The following DGKD variants were observed in gnomAD, a reference collection of about 807,000 sequenced individuals.
DGKD encodes DAG kinase delta.
In DGKD, 68 loss-of-function variants were observed where a neutral mutation model predicts 154.4. The observed-to-expected ratio is 0.44, with a 90% confidence interval of 0.36 to 0.54. The LOEUF (loss-of-function observed/expected upper bound fraction) is 0.54, where lower values mean the gene tolerates loss of function less well. Among genes scored for constraint, DGKD ranks in the 20% least tolerant of loss-of-function variants. The pLI, the probability that DGKD is intolerant of heterozygous loss-of-function variation, is 0.00. For synonymous variants in DGKD, 693 were observed against 638.0 expected (o/e 1.09, Z -1.30); for missense variants, 1,343 against 1,593.6 (o/e 0.84, Z 2.68).
rs1313442045 is a variant in DGKD at position 233,441,857 on chromosome 2, CA to C, written c.1086-29del. On this transcript the variant is annotated intron_variant, in intron 9 of 29. Transcript: ENST00000264057. This position sits in a 1 kb window ranked among gnomAD's most constrained non-coding sequence, Gnocchi z 5.6. ...GTCATTTGTCCTGTGGAATGGATGTCATTTCACGGCCTTTCTCTTTTCTCTG... is the reference window on the plus strand; with the variant it reads ...GTCATTTGTCCTGTGGAATGGATGTCTTTCACGGCCTTTCTCTTTTCTCTG... 1 of 1,596,646 alleles carries C rather than the reference CA, an allele frequency of 6.3e-7. No homozygotes were observed. The highest frequency in any genetic ancestry group is 1.1e-5 in the South Asian group (1 of 89,384).
chr2:233,432,100 A>G (rs993371242), intron 3 of DGKD, among the ~76,000 whole-genome samples: 7 of 152,370 alleles, frequency 4.6e-5, no homozygotes, highest in African/African-American at 1.7e-4. Context: ...GGGAGAAAAT[A>G]TTTGCAAACT....
chr2:233,395,294 C>T (rs1703932550), intron 3 of DGKD, among the ~76,000 whole-genome samples: 1 of 152,176 alleles, frequency 6.6e-6, no homozygotes. Context: ...CTTCAGCCTT[C>T]TGGGTAGCTG....
At position 233,374,871 on chromosome 2, in the gene DGKD, G is replaced by A. The variant is rs56031111; in HGVS notation, c.157-13386G>A. Among the ~76,000 whole-genome samples, 479 of 152,136 alleles carry A rather than the reference G, an allele frequency of 3.1e-3. 3 individuals carry two copies. Among genetic ancestry groups the A allele is most frequent in the African/African-American group, 0.01 (427 of 41,490 alleles). Reference sequence around the variant, plus strand: ...GCAGAGGGATACTTTACTATGCTATGTTGCCCAGGCTGGTCTTGAATTCCT... The same window carrying A: ...GCAGAGGGATACTTTACTATGCTATATTGCCCAGGCTGGTCTTGAATTCCT... On this transcript the variant is annotated intron_variant, in intron 1 of 29. Transcript: ENST00000264057.
At chr2:233,462,226 C>G in intron 24 of DGKD, 122 bp from the exon 25 acceptor site, 1 of 721,072 alleles carries the variant, frequency 1.4e-6, no homozygotes, top group Non-Finnish European at 2.3e-6. Flanking sequence ...CCCTGTCGTC[C>G]TGCTGGGCCT....
chr2:233,432,568 A>G (rs935102505), intron 3 of DGKD, among the ~76,000 whole-genome samples: 3 of 152,236 alleles, frequency 2.0e-5, no homozygotes, highest in Non-Finnish European at 4.4e-5. Context: ...CTGAGGCAGG[A>G]GAATGGCATG....
chr2:233,463,264 T>A (rs568621587), intron 26 of DGKD, among the ~76,000 whole-genome samples: 1 of 151,978 alleles, frequency 6.6e-6, no homozygotes, highest in Admixed American at 6.5e-5. Context: ...GCCACTCACC[T>A]CCTCACTGCA....
intron 3 of DGKD, among the ~76,000 whole-genome samples, chr2:233,421,971 T>G (rs896440992): frequency 6.6e-6 from 1 of 151,866 alleles, no homozygotes. Context: ...GAGCAGTTTC[T>G]GACTTGGGAG....
rs1432073083 is a variant in DGKD, at chr2:233,441,194, G to A, written c.1086-693G>A. 1.3e-5 allele frequency among the ~76,000 whole-genome samples: 2 copies of A among 152,194 alleles called. No homozygotes were observed. Among genetic ancestry groups the A allele is most frequent in the Non-Finnish European group, 2.9e-5 (2 of 68,028 alleles). On this transcript the variant is annotated intron_variant, in intron 9 of 29. Coordinates refer to ENST00000264057, the MANE Select transcript of DGKD (RefSeq NM_152879.3). This position sits in a 1 kb window ranked among gnomAD's most constrained non-coding sequence, Gnocchi z 5.6. ...CAGAAGCGGCACTGGTCTCCTGAGT[G>A]GGGACGCTGCTGGGCAGGGGCAGGG... is the stretch of plus-strand genomic sequence containing the variant.
chr2:233,395,551 G>A (rs889439333), intron 3 of DGKD, among the ~76,000 whole-genome samples: 3 of 151,514 alleles, frequency 2.0e-5, no homozygotes, highest in Non-Finnish European at 4.4e-5. Context: ...ATAGTTCACA[G>A]ATTTTCTTTT....
rs146345591 is a variant in DGKD at position 233,464,043 on chromosome 2, G to C, written c.3187-121G>C. 64 of 1,390,618 alleles carry C rather than the reference G, an allele frequency of 4.6e-5. No individual in the cohort carries two copies. In the African/African-American group the frequency reaches 8.3e-4, roughly 18 times the overall value. The allele number at this position is 1,390,618 out of a possible 1,614,324, so 86.1% of individuals were successfully genotyped here. ...CTGGTGCTCTGGGACTTCGTTTCTG[G>C]AAAGTGAGCTCCCTGATCAGAGCAG... On this transcript the variant is annotated intron_variant, in intron 26 of 29. Transcript: ENST00000264057.
In DGKD at chr2:233,449,403, C is replaced by T; in HGVS notation, c.1888+27C>T. Reference sequence around the variant, plus strand: ...TAACTGGCCTTGTGATGAGGAGGGGCTTTCCTCAGGCCAGCACTGGGCATG... The same window carrying T: ...TAACTGGCCTTGTGATGAGGAGGGGTTTTCCTCAGGCCAGCACTGGGCATG... On this transcript the variant is annotated intron_variant, in intron 15 of 29. Transcript: ENST00000264057. This position sits in a 1 kb window ranked among gnomAD's most constrained non-coding sequence, Gnocchi z 5.3. 6.3e-7 allele frequency: 1 copy of T among 1,577,018 alleles called. No individual in the cohort carries two copies. The highest frequency in any genetic ancestry group is 8.7e-7 in the Non-Finnish European group (1 of 1,154,488).
rs2063749180 is a variant in DGKD at position 233,463,981 on chromosome 2, C to T, written c.3187-183C>T. 9.6e-6 allele frequency: 7 copies of T among 726,872 alleles called. No homozygotes were observed. In the East Asian group the frequency reaches 1.9e-4, roughly 20 times the overall value. The allele number at this position is 726,872 out of a possible 1,614,324, so 45.0% of individuals were successfully genotyped here. Reference sequence around the variant, plus strand: ...GGACAGTTTTATTCTCTCACCAGCACTACTTAGAAAGTGAGGTTCTGGGTT... The same window carrying T: ...GGACAGTTTTATTCTCTCACCAGCATTACTTAGAAAGTGAGGTTCTGGGTT... On this transcript the variant is annotated intron_variant, in intron 26 of 29. Transcript: ENST00000264057.
intron 3 of DGKD, among the ~76,000 whole-genome samples, chr2:233,421,044 A>G (rs941640459): frequency 1.3e-5 from 2 of 152,156 alleles, no homozygotes; most frequent in African/African-American, 4.8e-5. Flanking sequence ...CGTATGAGTG[A>G]TCTCATTTCT....
At chr2:233,366,626 G>T (rs1702040950) in intron 1 of DGKD, among the ~76,000 whole-genome samples, 1 of 152,174 alleles carries the variant, frequency 6.6e-6, no homozygotes, top group Admixed American at 6.5e-5. Flanking sequence ...CAGCAGTTAG[G>T]TGGCTTGCTA....
intron 3 of DGKD, among the ~76,000 whole-genome samples, chr2:233,413,325 T>G (rs986252336): frequency 6.6e-6 from 1 of 152,206 alleles, no homozygotes; most frequent in African/African-American, 2.4e-5. Flanking sequence ...TCTGAAATAT[T>G]TGCTAGAGTT....
At chr2:233,446,280 T>TA (rs1575137591) in intron 11 of DGKD, among the ~76,000 whole-genome samples, 1 of 152,194 alleles carries the variant, frequency 6.6e-6, no homozygotes, top group East Asian at 1.9e-4. Flanking sequence ...AGATGCCTCC[T>TA]AGCCTTCCTA....
intron 7 of DGKD, 67 bp from the exon 8 acceptor site, chr2:233,437,310 C>A: frequency 6.9e-7 from 1 of 1,445,062 alleles, no homozygotes; most frequent in Non-Finnish European, 9.7e-7. Flanking sequence ...AGCTACAGGG[C>A]AGGAGGATTT....
At chr2:233,398,244 G>A (rs188503838) in intron 3 of DGKD, among the ~76,000 whole-genome samples, 386 of 151,666 alleles carry the variant, frequency 2.5e-3, no homozygotes, top group Non-Finnish European at 3.5e-3. Flanking sequence ...CCGGGTTCAC[G>A]CCATTCTCCT....
At chr2:233,463,392 A>G (rs2924812) in intron 26 of DGKD, among the ~76,000 whole-genome samples, 3,242 of 69,402 alleles carry the variant, frequency 0.047, 137 homozygotes, top group Middle Eastern at 0.08. Context: ...CTCACTCCAC[A>G]CATCTCCTCA....
Sources: gnomAD v4.1 joint callset for allele counts (sites outside exome capture counted in the v4.1 genomes callset) on GRCh38, gnomAD v4.1.1 for gene constraint, Gnocchi (gnomAD v3.1) non-coding constraint, MANE v1.5 for transcripts, NCBI Gene and HGNC (gene_info 2026-07-23, HGNC 2026-07-21) for gene names.